PPWD1: variants seen among roughly 807,000 people sequenced by gnomAD.
The protein encoded by PPWD1 is peptidylprolyl isomerase domain and WD repeat-containing protein 1.
In PPWD1, 43 loss-of-function variants were observed where a neutral mutation model predicts 68.8. That is an observed-to-expected ratio of 0.62 (90% CI 0.49 to 0.81). The LOEUF (loss-of-function observed/expected upper bound fraction) is 0.81. Ranked by LOEUF, PPWD1 falls within the 30% of genes least tolerant of loss-of-function variation. PPWD1 has a pLI of 0.00. For synonymous variants in PPWD1, 232 were observed against 258.7 expected (o/e 0.90, Z 0.99); for missense variants, 672 against 804.8 (o/e 0.83, Z 2.00).
At position 65,571,972 on chromosome 5, in the gene PPWD1, G is replaced by T. The variant is rs199790239; in HGVS notation, c.655G>T (p.Asp219Tyr). 2.5e-6 allele frequency: 4 copies of T among 1,613,914 alleles called. No homozygotes were observed. Among genetic ancestry groups the T allele is most frequent in the Admixed American group, 3.3e-5 (2 of 60,006 alleles). ...AGATAACCAGCCACTTCATATTTTT[G>T]ACAAACTCCATACATCACCTCTTAC... ...RGDNQPLHIF[D>Y]KLHTSPLTQI... The change falls in exon 5 of 11, where the codon GAC (aspartate) becomes TAC (tyrosine). Residue 219 changes from aspartate (D) to tyrosine (Y), a missense_variant. This residue lies in a region of PPWD1 where 484 missense variants were observed against 646.2 expected (regional missense o/e 0.75). Transcript: ENST00000261308.
chr5:65,585,845 T>C (rs1204671762), intron 9 of PPWD1, 154 bp from the exon 10 acceptor site: 2 of 830,776 alleles, frequency 2.4e-6, no homozygotes, highest in African/African-American at 2.3e-5. Context: ...TGGAAATACA[T>C]CATCCAAATT....
chr5:65,574,058 G>A (rs999929833), intron 5 of PPWD1, among the ~76,000 whole-genome samples: 1 of 152,158 alleles, frequency 6.6e-6, no homozygotes, highest in Non-Finnish European at 1.5e-5. Context: ...CAGTTCTTTT[G>A]TCCTTGGCAG....
At chr5:65,585,906 A>G in intron 9 of PPWD1, 93 bp from the exon 10 acceptor site, 1 of 1,520,528 alleles carries the variant, frequency 6.6e-7, no homozygotes, top group Admixed American at 2.1e-5. Flanking sequence ...TTAATATTAC[A>G]CTGAATACAA....
chr5:65,585,444 A>G (rs751733361), intron 9 of PPWD1, among the ~76,000 whole-genome samples: 4 of 152,302 alleles, frequency 2.6e-5, no homozygotes, highest in Non-Finnish European at 4.4e-5. Context: ...TTTCAATCAT[A>G]GAGGAGCCAC....
rs1752636023 is a variant in PPWD1, at chr5:65,564,788, TC to T, written c.196+1284del. On this transcript the variant is annotated intron_variant, in intron 1 of 10. Coordinates refer to ENST00000261308, the MANE Select transcript of PPWD1 (RefSeq NM_015342.4). ...CGAGAATCGGTCTTGTACTTTTTTT[TC>T]CTCTGGATTCCTACCCAGATATGGT... Among the ~76,000 whole-genome samples, 5 of 152,304 alleles carry T rather than the reference TC, an allele frequency of 3.3e-5. No individual in the cohort carries two copies. In the South Asian group the frequency reaches 1.0e-3, roughly 32 times the overall value.
At position 65,572,102 on chromosome 5, in the gene PPWD1, A is replaced by G. The variant is rs1753041048; in HGVS notation, c.785A>G (p.Asn262Ser). ...GPPHEYKFPK[N>S]VNWEYKTDTD... is the part of the protein sequence containing the mutation. ...CCTCATGAATATAAATTCCCCAAAA[A>G]TGTGAACTGGGAATATAAAACTGAC... Residue 262 changes from asparagine (N) to serine (S), a missense_variant, in exon 5 of 11, where the codon AAT becomes AGT. By Grantham distance (46) the Asn-to-Ser change is conservative. Coordinates refer to ENST00000261308, the MANE Select transcript of PPWD1 (RefSeq NM_015342.4). The G allele has an allele frequency of 6.2e-7, 1 of 1,613,962 alleles. No individual in the cohort carries two copies. The highest frequency in any genetic ancestry group is 2.2e-5 in the East Asian group (1 of 44,870).
rs79617186 is a variant in PPWD1, at chr5:65,567,747, A to G, written c.299+132A>G. 8,898 of 1,356,282 alleles carry G rather than the reference A, an allele frequency of 6.6e-3. 488 individuals carry two copies. The African/African-American group carries it at 0.12, about 18-fold the overall frequency. 84.0% of individuals were successfully genotyped at this position (1,356,282 alleles called of 1,614,324 possible). A position where few individuals can be genotyped will look rare whatever the true frequency, so the allele number is the denominator to read the frequency against. ...TTTAATTTCTTAAGTTCTGAAATAA[A>G]GGCCTACATGTTCTTTCCTATATCG... On this transcript the variant is annotated intron_variant, in intron 2 of 10. Coordinates refer to ENST00000261308, the MANE Select transcript of PPWD1 (RefSeq NM_015342.4).
At chr5:65,576,373 ATTT>A (rs1188571148) in intron 5 of PPWD1, 1,484 of 842,746 alleles carry the variant, frequency 1.8e-3, no homozygotes, top group Middle Eastern at 3.5e-3. Context: ...TTGAAATACA[ATTT>A]TTTTTTTTTT....
At chr5:65,582,953 C>T in intron 7 of PPWD1, 85 bp from the exon 8 acceptor site, 2 of 1,418,904 alleles carry the variant, frequency 1.4e-6, no homozygotes, top group Non-Finnish European at 1.9e-6. Context: ...TTCTTAAGTA[C>T]TTCATTAGAA....
chr5:65,572,865 T>C (rs1325888667), intron 5 of PPWD1, among the ~76,000 whole-genome samples: 1 of 152,198 alleles, frequency 6.6e-6, no homozygotes, highest in Admixed American at 6.5e-5. Context: ...TAGTTCATGC[T>C]CTTTTGCCTG....
intron 9 of PPWD1, 150 bp from the exon 10 acceptor site, chr5:65,585,849 C>A: frequency 1.6e-6 from 2 of 1,245,730 alleles, no homozygotes; most frequent in Middle Eastern, 2.9e-4. Context: ...AATACATCAT[C>A]CAAATTTAAG....
In PPWD1 at chr5:65,573,291, T is replaced by G. The variant is rs1753097413; in HGVS notation, c.969+1005T>G. Reference sequence around the variant, plus strand: ...TCCTGTCTTGCACAGTTTTTTTATTTTTTATTATTTATTTATTTAATTAAT... The same window carrying G: ...TCCTGTCTTGCACAGTTTTTTTATTGTTTATTATTTATTTATTTAATTAAT... On this transcript the variant is annotated intron_variant, in intron 5 of 10. Coordinates refer to ENST00000261308, the MANE Select transcript of PPWD1 (RefSeq NM_015342.4). Among the ~76,000 whole-genome samples, 3 of 150,116 alleles carry G rather than the reference T, an allele frequency of 2.0e-5. No individual in the cohort carries two copies. The South Asian group carries it at 6.2e-4, about 31-fold the overall frequency.
At chr5:65,574,882 T>C (rs1175910856) in intron 5 of PPWD1, among the ~76,000 whole-genome samples, 1 of 152,246 alleles carries the variant, frequency 6.6e-6, no homozygotes, top group Non-Finnish European at 1.5e-5. Flanking sequence ...TAGTAGAACT[T>C]AAGACAGAAG....
intron 5 of PPWD1, among the ~76,000 whole-genome samples, chr5:65,574,710 G>A (rs1753205401): frequency 6.6e-6 from 1 of 151,954 alleles, no homozygotes; most frequent in South Asian, 2.1e-4. Context: ...TGATCCACCC[G>A]CCTCGGCCTC....
intron 7 of PPWD1, among the ~76,000 whole-genome samples, chr5:65,581,294 G>C (rs1282288514): frequency 6.6e-6 from 1 of 152,036 alleles, no homozygotes; most frequent in Non-Finnish European, 1.5e-5. Flanking sequence ...ACCCATAAAA[G>C]ATAATTCTTG....
At chr5:65,576,838 A>C (rs759904660) in intron 5 of PPWD1, 41 bp from the exon 6 acceptor site, 1 of 1,592,152 alleles carries the variant, frequency 6.3e-7, no homozygotes, top group African/African-American at 1.3e-5. Flanking sequence ...ATATAGGTAT[A>C]TGTATATAGA....
At chr5:65,567,339 A>G (rs1752822559) in intron 1 of PPWD1, 174 bp from the exon 2 acceptor site, 1 of 684,720 alleles carries the variant, frequency 1.5e-6, no homozygotes. Flanking sequence ...CTCTGAAATA[A>G]TAGACGTTAA....
intron 1 of PPWD1, 60 bp downstream of exon 1, chr5:65,563,566 T>G: frequency 1.3e-6 from 2 of 1,526,486 alleles, no homozygotes; most frequent in Non-Finnish European, 1.8e-6. Flanking sequence ...GTAGGAGGGT[T>G]CAAGCCAGAT....
chr5:65,582,251 G>A (rs1220660336), intron 7 of PPWD1, among the ~76,000 whole-genome samples: 1 of 152,172 alleles, frequency 6.6e-6, no homozygotes, highest in African/African-American at 2.4e-5. Context: ...CAGGCCTTGA[G>A]AAGTCCAGAG....
Sources: gnomAD v4.1 joint callset for allele counts (sites outside exome capture counted in the v4.1 genomes callset) on GRCh38, gnomAD v4.1.1 for gene constraint, gnomAD v4.1.1 regional missense constraint, MANE v1.5 for transcripts, NCBI Gene and HGNC (gene_info 2026-07-23, HGNC 2026-07-21) for gene names.